UBE2D2: variants seen among roughly 807,000 people sequenced by gnomAD.
The protein encoded by UBE2D2 is ubiquitin conjugating enzyme E2 D2, also known as ubiquitin-conjugating enzyme E2 D2.
UBE2D2 carries 2 observed loss-of-function variants against 24.2 expected under a neutral mutation model. The ratio of observed to expected loss-of-function variants is 0.08; its 90% CI spans 0.03 to 0.26. The LOEUF (loss-of-function observed/expected upper bound fraction) is 0.26, where lower values mean the gene tolerates loss of function less well. Among genes scored for constraint, UBE2D2 ranks in the 10% least tolerant of loss-of-function variants. UBE2D2 has a pLI of 1.00. For missense variants in UBE2D2, 44 were observed against 177.6 expected (o/e 0.25, Z 4.28); for synonymous variants, 58 against 56.5 (o/e 1.03, Z -0.12).
chr5:139,623,748 A>G (rs551033096), intron 6 of UBE2D2: 85 of 223,394 alleles, frequency 3.8e-4, no homozygotes, highest in East Asian at 3.5e-3. Context: ...CTAGAGTGCA[A>G]TGGTGCAGTC....
chr5:139,547,797 T>A (rs1752853252), intron 1 of UBE2D2, among the ~76,000 whole-genome samples: 1 of 151,960 alleles, frequency 6.6e-6, no homozygotes. Flanking sequence ...CAGGTTCAAG[T>A]GATTCTCCTG....
chr5:139,597,809 G>GA (rs1753989232), intron 1 of UBE2D2, among the ~76,000 whole-genome samples: 2 of 152,214 alleles, frequency 1.3e-5, no homozygotes, highest in Admixed American at 6.5e-5. Flanking sequence ...GAGATGGGCA[G>GA]AAAATCTCTA....
At position 139,561,755 on chromosome 5, in the gene UBE2D2, T is replaced by TC; in HGVS notation, c.-33dup. The stretch of plus-strand genomic sequence containing the variant: ...CTTCCCCGTCCCTTCCCCGCCCCCG[T>TC]CCCCGCCCCGGGGGCCGCCGCCACC... On this transcript the variant is annotated 5_prime_UTR_variant, in exon 1 of 7. Transcript: ENST00000398733. 22 of 1,088,162 alleles carry TC rather than the reference T, an allele frequency of 2.0e-5. No homozygotes were observed. The highest frequency in any genetic ancestry group is 2.8e-5 in the Non-Finnish European group (22 of 794,416). The allele number at this position is 1,088,162 out of a possible 1,614,324, so 67.4% of individuals were successfully genotyped here. A position where few individuals can be genotyped will look rare whatever the true frequency, so the allele number is the denominator to read the frequency against.
chr5:139,586,827 G>A (rs1466019657), intron 1 of UBE2D2, among the ~76,000 whole-genome samples: 1 of 152,074 alleles, frequency 6.6e-6, no homozygotes, highest in Non-Finnish European at 1.5e-5. Context: ...TTTATGTTAG[G>A]GTAATCAGCA....
At chr5:139,546,817 T>TCTTTCTTCCTTCCTTCCTTC (rs1203962652) in intron 1 of UBE2D2, among the ~76,000 whole-genome samples, 1 of 138,302 alleles carries the variant, frequency 7.2e-6, no homozygotes, top group East Asian at 2.1e-4. Flanking sequence ...CTTCTTTCTT[T>TCTTTCTTCCTTCCTTCCTTC]CTTCCTTCCT....
At position 139,623,022 on chromosome 5, in the gene UBE2D2, C is replaced by T. The variant is rs76444080; in HGVS notation, c.305-346C>T. On this transcript the variant is annotated intron_variant, in intron 5 of 6. Transcript: ENST00000398733. ...TTCCAGACCAGCCTGACCAACATGG[C>T]GAAACCCCATCTCTACTAAAAATAC... 1.5e-3 allele frequency among the ~76,000 whole-genome samples: 227 copies of T among 151,186 alleles called. 1 individual carries two copies. Among genetic ancestry groups the T allele is most frequent in the African/African-American group, 5.0e-3 (204 of 41,210 alleles).
At chr5:139,590,216 A>C (rs1163271615) in intron 1 of UBE2D2, among the ~76,000 whole-genome samples, 1 of 152,108 alleles carries the variant, frequency 6.6e-6, no homozygotes, top group Non-Finnish European at 1.5e-5. Context: ...CAGAATAAAC[A>C]GTAGTAGAAA....
chr5:139,562,795 T>C (rs556645646), intron 1 of UBE2D2, among the ~76,000 whole-genome samples: 115 of 152,354 alleles, frequency 7.5e-4, no homozygotes, highest in African/African-American at 2.4e-3. Context: ...TTATTTTTTT[T>C]CCCTTTCTGA....
At chr5:139,552,887 A>G (rs1434714045) in intron 1 of UBE2D2, among the ~76,000 whole-genome samples, 2 of 151,254 alleles carry the variant, frequency 1.3e-5, no homozygotes, top group Non-Finnish European at 3.0e-5. Flanking sequence ...TCTCCATGTT[A>G]GTCATGCTGG....
chr5:139,536,825 C>T (rs1220921370), intron 1 of UBE2D2, among the ~76,000 whole-genome samples: 1 of 151,862 alleles, frequency 6.6e-6, no homozygotes, highest in Non-Finnish European at 1.5e-5. Flanking sequence ...TGAAGTAAAT[C>T]CAAGATATCA....
chr5:139,548,193 A>AAAAATAAAATAAAT, intron 1 of UBE2D2, among the ~76,000 whole-genome samples: 1 of 47,112 alleles, frequency 2.1e-5, no homozygotes, highest in Admixed American at 2.4e-4. Context: ...ATAAAAAAAA[A>AAAAATAAAATAAAT]AAATAAATAA....
At chr5:139,575,292 G>C (rs1753443835) in intron 1 of UBE2D2, among the ~76,000 whole-genome samples, 1 of 152,124 alleles carries the variant, frequency 6.6e-6, no homozygotes, top group Admixed American at 6.6e-5. Flanking sequence ...AGATTTGGTG[G>C]ACTTTTCTTT....
intron 2 of UBE2D2, among the ~76,000 whole-genome samples, 170 bp from the exon 3 acceptor site, chr5:139,614,416 G>A (rs1754383373): frequency 6.6e-6 from 1 of 151,978 alleles, no homozygotes; most frequent in South Asian, 2.1e-4. Context: ...GGCCATTCTA[G>A]TCATTTTTCT....
At chr5:139,607,127 T>C (rs949863876) in intron 2 of UBE2D2, among the ~76,000 whole-genome samples, 2 of 152,202 alleles carry the variant, frequency 1.3e-5, no homozygotes, top group Non-Finnish European at 2.9e-5. Context: ...TCTAAAAACA[T>C]TGTAATGTGA....
intron 1 of UBE2D2, among the ~76,000 whole-genome samples, chr5:139,587,942 G>A (rs1207007811): frequency 6.6e-6 from 1 of 151,960 alleles, no homozygotes; most frequent in African/African-American, 2.4e-5. Context: ...GCTAAGTTGC[G>A]AGCCCCGTAT....
chr5:139,580,141 T>A (rs1043595969), intron 1 of UBE2D2, among the ~76,000 whole-genome samples: 1 of 152,076 alleles, frequency 6.6e-6, no homozygotes, highest in African/African-American at 2.4e-5. Flanking sequence ...TCACCCAGCA[T>A]TGAGTGCAAT....
chr5:139,550,366 T>A (rs1329495935), intron 1 of UBE2D2, among the ~76,000 whole-genome samples: 1 of 152,020 alleles, frequency 6.6e-6, no homozygotes, highest in African/African-American at 2.4e-5. Flanking sequence ...AGCTCAGGGA[T>A]TGTAAATGCA....
At chr5:139,612,325 T>G (rs1754338831) in intron 2 of UBE2D2, 2 of 153,116 alleles carry the variant, frequency 1.3e-5, no homozygotes, top group African/African-American at 4.8e-5. Flanking sequence ...TGCACTCCTG[T>G]GAGTGACTTC....
intron 6 of UBE2D2, among the ~76,000 whole-genome samples, chr5:139,625,628 CAG>C (rs1273144669): frequency 1.3e-5 from 2 of 149,416 alleles, no homozygotes; most frequent in South Asian, 2.1e-4. Context: ...TTTTTTGAGA[CAG>C]AGTCTTGCTC....
Sources: allele counts gnomAD v4.1 joint callset (sites outside exome capture counted in the v4.1 genomes callset), GRCh38; gene constraint gnomAD v4.1.1; transcripts MANE v1.5; gene names NCBI Gene and HGNC (gene_info 2026-07-23, HGNC 2026-07-21).